SHANK2: variants seen among roughly 807,000 people sequenced by gnomAD.
SHANK2 encodes the protein SH3 and multiple ankyrin repeat domains protein 2.
In SHANK2, 43 loss-of-function variants were observed where a neutral mutation model predicts 133.7. The observed-to-expected ratio is 0.32, with a 90% CI of 0.25 to 0.41. The LOEUF is 0.41. Ranked by LOEUF, SHANK2 falls within the 10% of genes least tolerant of loss-of-function variation. The pLI is 1.00. For synonymous variants in SHANK2, 1,017 were observed against 952.8 expected, an observed-to-expected ratio of 1.07 and a Z score of -1.24; for missense variants, 1,994 against 2,235.8, an observed-to-expected ratio of 0.89 and a Z score of 2.18.
rs115440927 is a variant in SHANK2, at chr11:70,505,818, G to T, written c.2062-2887C>A. Among the ~76,000 whole-genome samples, 591 of 152,080 alleles carry T rather than the reference G, an allele frequency of 3.9e-3. 4 individuals are homozygous for T. Among genetic ancestry groups the T allele is most frequent in the African/African-American group, 0.011 (459 of 41,340 alleles). On this transcript the variant is annotated intron_variant, in intron 17 of 25. Transcript: ENST00000601538. The stretch of plus-strand genomic sequence containing the variant: ...AGCCTGGCCACTTAGGCAGGGAGGG[G>T]CTGGGGATGTGGCCTCTGACTGCAG...
chr11:70,882,102 C>A lies in SHANK2; in HGVS notation c.1174+14399G>T, dbSNP rs767629936. Among the ~76,000 whole-genome samples the A allele has an allele frequency of 5.3e-5, 8 of 152,056 alleles. No homozygotes were observed. The highest frequency in any genetic ancestry group is 2.0e-4 in the Admixed American group (3 of 15,268). On this transcript the variant is annotated intron_variant, in intron 11 of 25. Transcript: ENST00000601538. The surrounding 1 kb of genome is among the most constrained non-coding windows in gnomAD (Gnocchi z 4.2). ...TTCCCCAAGCCCCCAGGGGGACACA[C>A]TGAGGACCAGGGTTAAAGGGTGACT...
intron 17 of SHANK2, among the ~76,000 whole-genome samples, chr11:70,573,280 CG>C (rs1439161195): frequency 1.3e-4 from 3 of 23,692 alleles, no homozygotes; most frequent in East Asian, 1.5e-3. Context: ...GCGGTGGGGG[CG>C]GGGGGGCTGT....
chr11:70,505,231 G>C (rs2059119367), intron 17 of SHANK2, among the ~76,000 whole-genome samples: 1 of 152,162 alleles, frequency 6.6e-6, no homozygotes, highest in Non-Finnish European at 1.5e-5. Flanking sequence ...AAAAGGCCAA[G>C]GCCTGAGAGC....
chr11:71,089,125 T>C (rs1951460647), intron 8 of SHANK2, among the ~76,000 whole-genome samples: 1 of 152,194 alleles, frequency 6.6e-6, no homozygotes, highest in South Asian at 2.1e-4. Context: ...ACTGCCCTTT[T>C]CCAAGCAGGT....
At chr11:71,235,105 C>T (rs1172706886) in intron 1 of SHANK2, among the ~76,000 whole-genome samples, 3 of 152,126 alleles carry the variant, frequency 2.0e-5, no homozygotes, top group African/African-American at 4.8e-5. Context: ...GATCCTAATA[C>T]CCTTAGAATT....
intron 14 of SHANK2, among the ~76,000 whole-genome samples, chr11:70,769,750 GTA>G (rs36162617): frequency 0.77 from 117,615 of 152,054 alleles, 45,718 homozygotes; most frequent in South Asian, 0.89. Context: ...AGGCATGTGT[GTA>G]TGTTCTATGT....
At chr11:71,079,003 C>T (rs1242371864) in intron 8 of SHANK2, among the ~76,000 whole-genome samples, 2 of 152,230 alleles carry the variant, frequency 1.3e-5, no homozygotes, top group Non-Finnish European at 2.9e-5. Flanking sequence ...GCTAAGCCCC[C>T]ATTTTTGGGC....
At chr11:70,851,919 G>A (rs1247795941) in intron 11 of SHANK2, among the ~76,000 whole-genome samples, 4 of 152,180 alleles carry the variant, frequency 2.6e-5, no homozygotes, top group East Asian at 1.9e-4. Flanking sequence ...ACTCATAAAC[G>A]ACTGTGATAG....
At chr11:70,502,743 C>CT (rs1165986040) in intron 18 of SHANK2, 53 bp downstream of exon 18, 3 of 665,198 alleles carry the variant, frequency 4.5e-6, no homozygotes, top group Non-Finnish European at 6.4e-6. Flanking sequence ...CCGCCCCCAC[C>CT]CCCCCCCCCC....
intron 15 of SHANK2, among the ~76,000 whole-genome samples, chr11:70,666,699 T>G (rs1379999974): frequency 2.6e-5 from 4 of 151,716 alleles, no homozygotes; most frequent in African/African-American, 9.7e-5. Context: ...CGCCTACACG[T>G]TCCCCACGCT....
At chr11:70,697,492 T>C (rs1945422429) in intron 15 of SHANK2, among the ~76,000 whole-genome samples, 2 of 151,584 alleles carry the variant, frequency 1.3e-5, no homozygotes, top group African/African-American at 4.9e-5. Context: ...GCAATGGGAG[T>C]GGGAGTGACT....
chr11:70,679,332 AC>A (rs1304765775), intron 15 of SHANK2, among the ~76,000 whole-genome samples: 2 of 152,086 alleles, frequency 1.3e-5, no homozygotes, highest in Non-Finnish European at 2.9e-5. Flanking sequence ...TGGGCATCCA[AC>A]CCCCGAGGCC....
At chr11:70,803,753 G>A (rs376959687) in intron 13 of SHANK2, among the ~76,000 whole-genome samples, 2 of 151,550 alleles carry the variant, frequency 1.3e-5, no homozygotes, top group African/African-American at 2.4e-5. Context: ...AAGAACTATC[G>A]GGAGTGGAGG....
intron 14 of SHANK2, among the ~76,000 whole-genome samples, chr11:70,793,861 A>G (rs1453649566): frequency 6.6e-6 from 1 of 152,234 alleles, no homozygotes; most frequent in Non-Finnish European, 1.5e-5. Flanking sequence ...AGACTCACAC[A>G]AAAACCTTTT....
At chr11:70,947,352 C>CT (rs1950763095) in intron 10 of SHANK2, among the ~76,000 whole-genome samples, 4 of 96,468 alleles carry the variant, frequency 4.1e-5, no homozygotes, top group East Asian at 3.4e-4. Flanking sequence ...CTGACATCTA[C>CT]ATTTTTTTTT....
intron 11 of SHANK2, among the ~76,000 whole-genome samples, chr11:70,835,047 G>C (rs1380650824): frequency 6.6e-6 from 1 of 152,182 alleles, no homozygotes; most frequent in African/African-American, 2.4e-5. Flanking sequence ...CACAAAGAGA[G>C]GTGAGGGGTT....
intron 2 of SHANK2, among the ~76,000 whole-genome samples, chr11:71,186,879 C>T (rs1555114548): frequency 6.6e-6 from 1 of 152,262 alleles, no homozygotes; most frequent in African/African-American, 2.4e-5. Flanking sequence ...AGCCTCACCT[C>T]ACCATCCAGA....
chr11:70,952,726 C>A, intron 10 of SHANK2: 1 of 416,722 alleles, frequency 2.4e-6, no homozygotes, highest in Non-Finnish European at 5.1e-6. Context: ...ACGCAGATGG[C>A]AGGGCGGCCC....
intron 17 of SHANK2, among the ~76,000 whole-genome samples, chr11:70,625,190 G>A (rs1043450516): frequency 5.3e-5 from 8 of 152,252 alleles, no homozygotes; most frequent in East Asian, 1.9e-4. Context: ...GGTGTCTGCC[G>A]TCCTCCCTGG....
Sources: allele counts gnomAD v4.1 joint callset (sites outside exome capture counted in the v4.1 genomes callset), GRCh38; gene constraint gnomAD v4.1.1; non-coding constraint Gnocchi (gnomAD v3.1); transcripts MANE v1.5; gene names NCBI Gene and HGNC (gene_info 2026-07-23, HGNC 2026-07-21).